AKAP12: variants seen among roughly 807,000 people sequenced by gnomAD.
The protein encoded by AKAP12 is A-kinase anchor protein 12.
A neutral mutation model predicts 79.9 loss-of-function variants in AKAP12; 32 were observed. The observed-to-expected ratio is 0.40, with a 90% CI of 0.30 to 0.54. AKAP12 has a LOEUF of 0.54. Among genes scored for constraint, AKAP12 ranks in the 20% least tolerant of loss-of-function variants. The probability of loss-of-function intolerance (pLI) is 0.48; values close to 1 mark genes in which losing one functional copy is unlikely to be tolerated. For missense variants in AKAP12, 2,074 were observed against 2,177.0 expected, an observed-to-expected ratio of 0.95 and a Z score of 0.94; for synonymous variants, 808 against 857.0, an observed-to-expected ratio of 0.94 and a Z score of 1.00.
intron 3 of AKAP12, among the ~76,000 whole-genome samples, chr6:151,316,639 T>A (rs4869726): frequency 6.6e-6 from 1 of 152,136 alleles, no homozygotes; most frequent in Non-Finnish European, 1.5e-5. Context: ...CCTGTTCTTA[T>A]AATTTTTTTG....
Position 151,356,982 on chromosome 6 carries a change from C to T in AKAP12, c.*1268C>T, listed in dbSNP as rs2114839021. On this transcript the variant is annotated 3_prime_UTR_variant, in exon 5 of 5. Transcript: ENST00000402676. ...GCTTTTCAGATTGACGTTCTTGCTA[C>T]AATTGTACCATCTGGTAATTCCTGA... 1 of 152,312 alleles carries T rather than the reference C, an allele frequency of 6.6e-6. No homozygotes were observed. 9.4% of individuals were successfully genotyped at this position (152,312 alleles called of 1,614,324 possible).
In AKAP12 at chr6:151,354,249, T is replaced by C. The variant is rs576631430; in HGVS notation, c.*12+497T>C. 2.0e-5 allele frequency among the ~76,000 whole-genome samples: 3 copies of C among 147,438 alleles called. No individual in the cohort carries two copies. In the South Asian group the frequency reaches 6.2e-4, roughly 31 times the overall value. The stretch of plus-strand genomic sequence containing the variant: ...TGATAGCTCTTTCAGAAAAAATGGA[T>C]TTTTTTTCCCCTAGCAGTAGTAACA... On this transcript the variant is annotated intron_variant, in intron 4 of 4. Transcript: ENST00000402676.
intron 2 of AKAP12, among the ~76,000 whole-genome samples, chr6:151,246,853 C>T (rs1184626427): frequency 6.6e-6 from 1 of 152,168 alleles, no homozygotes; most frequent in Non-Finnish European, 1.5e-5. Flanking sequence ...CCTCGACCTC[C>T]TGGGCTCAAA....
chr6:151,257,645 T>C (rs1040688541), intron 2 of AKAP12, among the ~76,000 whole-genome samples: 11 of 152,222 alleles, frequency 7.2e-5, no homozygotes, highest in African/African-American at 2.7e-4. Flanking sequence ...TTTCTGTTCC[T>C]GGCTTAATTC....
At chr6:151,273,990 C>T (rs1359456621) in intron 2 of AKAP12, among the ~76,000 whole-genome samples, 2 of 151,668 alleles carry the variant, frequency 1.3e-5, no homozygotes, top group African/African-American at 4.8e-5. Flanking sequence ...GATTGCACCA[C>T]TGCACTCCAG....
At chr6:151,309,126 C>T (rs1024240929) in intron 3 of AKAP12, among the ~76,000 whole-genome samples, 15 of 152,174 alleles carry the variant, frequency 9.9e-5, no homozygotes, top group Non-Finnish European at 1.3e-4. Context: ...CCGCCTGCCT[C>T]GGCCTCCCAA....
intron 3 of AKAP12, among the ~76,000 whole-genome samples, chr6:151,311,733 G>T (rs1231646126): frequency 6.6e-6 from 1 of 152,112 alleles, no homozygotes; most frequent in Non-Finnish European, 1.5e-5. Context: ...TTTGCCATTT[G>T]AACCCACCAG....
At chr6:151,340,795 C>T (rs986533053) in intron 3 of AKAP12, among the ~76,000 whole-genome samples, 4 of 152,130 alleles carry the variant, frequency 2.6e-5, no homozygotes. Flanking sequence ...GTGACACTGA[C>T]ATTTCAGGCC....
At chr6:151,291,860 C>T (rs765562489) in intron 2 of AKAP12, among the ~76,000 whole-genome samples, 29 of 152,154 alleles carry the variant, frequency 1.9e-4, no homozygotes, top group Non-Finnish European at 3.5e-4. Context: ...TAACATAGCT[C>T]ATCCCTGCCA....
intron 3 of AKAP12, among the ~76,000 whole-genome samples, chr6:151,309,100 C>T (rs1777036732): frequency 6.6e-6 from 1 of 152,180 alleles, no homozygotes; most frequent in African/African-American, 2.4e-5. Flanking sequence ...GTCTCGAACT[C>T]CTGACCTCAG....
chr6:151,250,750 C>T (rs927287743), intron 2 of AKAP12, among the ~76,000 whole-genome samples: 5 of 151,484 alleles, frequency 3.3e-5, no homozygotes, highest in South Asian at 2.1e-4. Flanking sequence ...GGACTACAGG[C>T]GCCCGCCACC....
At chr6:151,340,999 G>A (rs970840586) in intron 3 of AKAP12, among the ~76,000 whole-genome samples, 1 of 151,960 alleles carries the variant, frequency 6.6e-6, no homozygotes, top group Admixed American at 6.6e-5. Flanking sequence ...TTAAAGTGGT[G>A]CCTGCCAGAT....
intron 2 of AKAP12, among the ~76,000 whole-genome samples, chr6:151,302,384 T>A (rs1776881601): frequency 6.6e-6 from 1 of 152,108 alleles, no homozygotes; most frequent in Non-Finnish European, 1.5e-5. Context: ...GGCCTCAAAC[T>A]TTTGGGCTCA....
intron 2 of AKAP12, among the ~76,000 whole-genome samples, chr6:151,300,202 T>C (rs1217757300): frequency 6.6e-6 from 1 of 152,178 alleles, no homozygotes; most frequent in East Asian, 1.9e-4. Flanking sequence ...TTAAAATTCC[T>C]TCCAGATAAT....
chr6:151,263,739 T>C (rs1228830428), intron 2 of AKAP12, among the ~76,000 whole-genome samples: 2 of 152,098 alleles, frequency 1.3e-5, no homozygotes, highest in Non-Finnish European at 2.9e-5. Flanking sequence ...CACCCACACC[T>C]GGCTAATTTT....
At chr6:151,301,741 G>A (rs983745339) in intron 2 of AKAP12, among the ~76,000 whole-genome samples, 28 of 152,100 alleles carry the variant, frequency 1.8e-4, no homozygotes, top group Non-Finnish European at 2.2e-4. Context: ...GGGTACCCTG[G>A]CGGGACGCAA....
rs746800242 is a variant in AKAP12, at chr6:151,349,420, A to G, written c.1029A>G (p.Ala343=). The part of the protein sequence containing the change: ...EKVDTEEDGK[A]EVASEKLTAS... ...TAGACACAGAAGAAGACGGAAAGGC[A>G]GAGGTTGCCTCCGAGAAACTGACCG... The change falls in exon 4 of 5, where the codon GCA becomes GCG. Residue 343 remains alanine, a synonymous_variant. Transcript: ENST00000402676. The G allele has an allele frequency of 6.2e-6, 10 of 1,611,584 alleles. No individual in the cohort carries two copies. In the Admixed American group the frequency reaches 1.5e-4, roughly 25 times the overall value.
At chr6:151,289,865 A>G (rs1028500095) in intron 2 of AKAP12, among the ~76,000 whole-genome samples, 1 of 152,176 alleles carries the variant, frequency 6.6e-6, no homozygotes, top group Non-Finnish European at 1.5e-5. Context: ...AGCTCATTCA[A>G]AGCAAAGACT....
intron 3 of AKAP12, among the ~76,000 whole-genome samples, chr6:151,316,751 C>T (rs1777245229): frequency 6.6e-6 from 1 of 152,204 alleles, no homozygotes; most frequent in Admixed American, 6.5e-5. Flanking sequence ...CTGCCTCAGC[C>T]TCCTGAGTAG....
Sources: allele counts gnomAD v4.1 joint callset (sites outside exome capture counted in the v4.1 genomes callset), GRCh38; gene constraint gnomAD v4.1.1; transcripts MANE v1.5; gene names NCBI Gene and HGNC (gene_info 2026-07-23, HGNC 2026-07-21).